The following CALB1 variants were observed in gnomAD, a reference collection of about 807,000 sequenced individuals.
CALB1 encodes the protein calbindin.
A neutral mutation model predicts 46.7 loss-of-function variants in CALB1; 16 were observed. The observed-to-expected ratio is 0.34, with a 90% CI of 0.23 to 0.52. The LOEUF (loss-of-function observed/expected upper bound fraction) is 0.52. Among genes scored for constraint, CALB1 ranks in the 20% least tolerant of loss-of-function variants. The pLI, the probability that CALB1 is intolerant of heterozygous loss-of-function variation, is 0.95. For missense variants in CALB1, 224 were observed against 300.3 expected (o/e 0.75, Z 1.88); for synonymous variants, 90 against 112.8 (o/e 0.80, Z 1.28).
rs201567062 is a variant in CALB1 at position 90,060,151 on chromosome 8, C to T, written c.*22G>A. ...TTTTTTAGATACAGTGTATCACTAG[C>T]AAGTGGTTGCGGCCACCAACTCTAG... is the stretch of plus-strand genomic sequence containing the variant. On this transcript the variant is annotated 3_prime_UTR_variant, in exon 11 of 11. Coordinates refer to ENST00000265431, the MANE Select transcript of CALB1 (RefSeq NM_004929.4). 4 of 1,347,668 alleles carry T rather than the reference C, an allele frequency of 3.0e-6. No individual in the cohort carries two copies. The highest frequency in any genetic ancestry group is 3.4e-5 in the Admixed American group (2 of 59,674). The allele number at this position is 1,347,668 out of a possible 1,614,324, so 83.5% of individuals were successfully genotyped here. A position where few individuals can be genotyped will look rare whatever the true frequency, so the allele number is the denominator to read the frequency against.
chr8:90,058,825 A>G lies in CALB1; in HGVS notation c.*1348T>C, dbSNP rs1295308452. The G allele has an allele frequency of 2.6e-5, 4 of 152,202 alleles. No individual in the cohort carries two copies. The highest frequency in any genetic ancestry group is 9.7e-5 in the African/African-American group (4 of 41,442). The allele number at this position is 152,202 out of a possible 1,614,324, so 9.4% of individuals were successfully genotyped here. Reference sequence around the variant, plus strand: ...AATTCAGAAAATAAGTGTTGAATTTATAGAATGGGGACATTCAAGCTGACC... The same window carrying G: ...AATTCAGAAAATAAGTGTTGAATTTGTAGAATGGGGACATTCAAGCTGACC... On this transcript the variant is annotated 3_prime_UTR_variant, in exon 11 of 11. Transcript: ENST00000265431.
intron 3 of CALB1, among the ~76,000 whole-genome samples, chr8:90,070,115 G>A (rs1814481895): frequency 6.6e-6 from 1 of 151,932 alleles, no homozygotes; most frequent in African/African-American, 2.4e-5. Flanking sequence ...AATTAGCTGT[G>A]GTCCCCAGCA....
At chr8:90,065,550 T>TTA (rs891885374) in intron 6 of CALB1, among the ~76,000 whole-genome samples, 13 of 151,556 alleles carry the variant, frequency 8.6e-5, no homozygotes, top group African/African-American at 2.9e-4. Context: ...GTGATATAAT[T>TTA]TATATATATA....
chr8:90,077,931 A>T (rs1359269606), intron 3 of CALB1, among the ~76,000 whole-genome samples: 1 of 152,102 alleles, frequency 6.6e-6, no homozygotes, highest in Non-Finnish European at 1.5e-5. Context: ...CAGGGACTGC[A>T]AACATTTTAT....
Position 90,060,114 on chromosome 8 carries a change from A to C in CALB1, c.*59T>G. 1.6e-4 allele frequency: 141 copies of C among 879,998 alleles called. No individual in the cohort carries two copies. The highest frequency in any genetic ancestry group is 2.5e-4 in the Non-Finnish European group (130 of 510,914). The allele number at this position is 879,998 out of a possible 1,614,324, so 54.5% of individuals were successfully genotyped here. A position where few individuals can be genotyped will look rare whatever the true frequency, so the allele number is the denominator to read the frequency against. Reference sequence around the variant, plus strand: ...AAGAAAATACAGCCTACTCCCTTATAGTGCACAGTTATTTTTTAGATACAG... The same window carrying C: ...AAGAAAATACAGCCTACTCCCTTATCGTGCACAGTTATTTTTTAGATACAG... On this transcript the variant is annotated 3_prime_UTR_variant, in exon 11 of 11. Coordinates refer to ENST00000265431, the MANE Select transcript of CALB1 (RefSeq NM_004929.4).
At chr8:90,060,842 GT>G (rs2130215291) in intron 9 of CALB1, 142 bp from the exon 10 acceptor site, 2 of 692,004 alleles carry the variant, frequency 2.9e-6, no homozygotes, top group African/African-American at 1.8e-5. Context: ...GGCCACCCAA[GT>G]TTTTAGCTGC....
At position 90,060,015 on chromosome 8, in the gene CALB1, A is replaced by G. The variant is rs1814264819; in HGVS notation, c.*158T>C. Reference sequence around the variant, plus strand: ...ACAAAAACTGTATATTACAAACAGTATAGAAACAAGCTGAAAAGAATGAGC... The same window carrying G: ...ACAAAAACTGTATATTACAAACAGTGTAGAAACAAGCTGAAAAGAATGAGC... On this transcript the variant is annotated 3_prime_UTR_variant, in exon 11 of 11. Coordinates refer to ENST00000265431, the MANE Select transcript of CALB1 (RefSeq NM_004929.4). 2 of 601,620 alleles carry G rather than the reference A, an allele frequency of 3.3e-6. No individual in the cohort carries two copies. The highest frequency in any genetic ancestry group is 2.6e-4 in the Middle Eastern group (1 of 3,850). 37.3% of individuals were successfully genotyped at this position (601,620 alleles called of 1,614,324 possible). A position where few individuals can be genotyped will look rare whatever the true frequency, so the allele number is the denominator to read the frequency against.
intron 3 of CALB1, 75 bp downstream of exon 3, chr8:90,078,294 TCTTA>T: frequency 1.2e-6 from 1 of 848,428 alleles, no homozygotes; most frequent in Non-Finnish European, 2.0e-6. Flanking sequence ...TCTTGCTATA[TCTTA>T]CTTGACTTGA....
chr8:90,070,176 T>C (rs1246725300), intron 3 of CALB1, among the ~76,000 whole-genome samples: 1 of 152,132 alleles, frequency 6.6e-6, no homozygotes, highest in Admixed American at 6.5e-5. Flanking sequence ...AACAAGGACT[T>C]GAAATAGAAG....
intron 3 of CALB1, among the ~76,000 whole-genome samples, chr8:90,072,385 T>C (rs1356937067): frequency 2.0e-5 from 3 of 152,208 alleles, no homozygotes; most frequent in Non-Finnish European, 4.4e-5. Context: ...ACTTAAATTA[T>C]TAAAAAATAC....
chr8:90,075,429 G>A (rs1301015619), intron 3 of CALB1, among the ~76,000 whole-genome samples: 10 of 152,106 alleles, frequency 6.6e-5, no homozygotes, highest in Non-Finnish European at 8.8e-5. Flanking sequence ...GAACACCAAA[G>A]TTAATGTGTG....
At chr8:90,064,775 T>C (rs746117059) in intron 6 of CALB1, among the ~76,000 whole-genome samples, 14 of 151,846 alleles carry the variant, frequency 9.2e-5, no homozygotes, top group African/African-American at 1.4e-4. Flanking sequence ...GAATTAAAGA[T>C]GACCATGAAA....
chr8:90,060,470 A>G (rs1475318974), intron 10 of CALB1, among the ~76,000 whole-genome samples, 159 bp downstream of exon 10: 2 of 152,234 alleles, frequency 1.3e-5, no homozygotes, highest in East Asian at 3.8e-4. Context: ...TATCACAGTT[A>G]CCCTGATTTA....
intron 5 of CALB1, 52 bp from the exon 6 acceptor site, chr8:90,066,027 C>G: frequency 8.3e-7 from 1 of 1,201,294 alleles, no homozygotes; most frequent in Non-Finnish European, 1.2e-6. Context: ...ATATCGTCTA[C>G]TTTCATTTCA....
chr8:90,067,382 A>G (rs1814419626), intron 5 of CALB1, among the ~76,000 whole-genome samples: 1 of 152,146 alleles, frequency 6.6e-6, no homozygotes, highest in South Asian at 2.1e-4. Context: ...GGCTTTTAGA[A>G]TATTTAGAGG....
intron 10 of CALB1, 117 bp from the exon 11 acceptor site, chr8:90,060,403 C>T: frequency 1.2e-5 from 9 of 746,140 alleles, no homozygotes; most frequent in Non-Finnish European, 1.9e-5. Flanking sequence ...AACAAAAGAG[C>T]TGGATTAAAT....
intron 9 of CALB1, 155 bp downstream of exon 9, chr8:90,062,945 C>G (rs1233083517): frequency 7.3e-6 from 4 of 550,386 alleles, no homozygotes; most frequent in Non-Finnish European, 1.3e-5. Flanking sequence ...GGCATAAAGT[C>G]TCAATTATAT....
rs761099459 is a variant in CALB1 at position 90,060,717 on chromosome 8, A to G, written c.601-17T>C. 19 of 1,577,864 alleles carry G rather than the reference A, an allele frequency of 1.2e-5. No individual in the cohort carries two copies. In the African/African-American group the frequency reaches 2.6e-4, roughly 21 times the overall value. On this transcript the variant is annotated splice_polypyrimidine_tract_variant and intron_variant, in intron 9 of 10. Coordinates refer to ENST00000265431, the MANE Select transcript of CALB1 (RefSeq NM_004929.4). ...ATTGCCGTCCTGGGGGAGGAGAAAT[A>G]AAATAGTATACAACCAACTCCATCT...
chr8:90,072,755 A>G (rs919412846), intron 3 of CALB1, among the ~76,000 whole-genome samples: 1 of 152,160 alleles, frequency 6.6e-6, no homozygotes, highest in South Asian at 2.1e-4. Context: ...TTATTCTCAG[A>G]TATGCTAAGT....
Sources: allele counts gnomAD v4.1 joint callset (sites outside exome capture counted in the v4.1 genomes callset), GRCh38; gene constraint gnomAD v4.1.1; transcripts MANE v1.5; gene names NCBI Gene and HGNC (gene_info 2026-07-23, HGNC 2026-07-21).